MDN1: variants seen among roughly 807,000 people sequenced by gnomAD.
The protein encoded by MDN1 is midasin AAA ATPase 1, also known as midasin.
Under a neutral mutation model 669.2 loss-of-function variants are expected in MDN1, and 266 were observed. The observed-to-expected ratio is 0.40, with a 90% CI of 0.36 to 0.44. MDN1 has a LOEUF of 0.44. Ranked by LOEUF, MDN1 falls within the 20% of genes least tolerant of loss-of-function variation. The probability of loss-of-function intolerance (pLI) is 1.00; values close to 1 mark genes in which losing one functional copy is unlikely to be tolerated. For missense variants in MDN1, 5,940 were observed against 6,754.0 expected, an observed-to-expected ratio of 0.88 and a Z score of 4.22; for synonymous variants, 2,385 against 2,457.1, an observed-to-expected ratio of 0.97 and a Z score of 0.87.
intron 36 of MDN1, 118 bp downstream of exon 36, chr6:89,728,813 A>C: frequency 8.8e-7 from 1 of 1,141,924 alleles, no homozygotes; most frequent in East Asian, 2.4e-5. Flanking sequence ...AGAAAAGAAA[A>C]GAAAAGAAAA....
intron 7 of MDN1, among the ~76,000 whole-genome samples, chr6:89,788,730 G>C (rs1414550772): frequency 6.6e-6 from 1 of 152,158 alleles, no homozygotes. Flanking sequence ...AGCTAGACTA[G>C]AGGAAAAACG....
chr6:89,713,322 A>G (rs769441755), intron 46 of MDN1, 26 bp from the exon 47 acceptor site: 1 of 1,587,174 alleles, frequency 6.3e-7, no homozygotes, highest in African/African-American at 1.4e-5. Context: ...TGCCATCTAT[A>G]AACAATAGAG....
At chr6:89,804,221 T>C (rs1383889067) in intron 1 of MDN1, among the ~76,000 whole-genome samples, 2 of 152,126 alleles carry the variant, frequency 1.3e-5, no homozygotes, top group East Asian at 3.9e-4. Context: ...AAAATATTTA[T>C]GTAAATAATA....
Position 89,819,705 on chromosome 6 carries a change from T to G in MDN1, c.-98A>C. 1.0e-6 allele frequency: 1 copy of G among 974,360 alleles called. No individual in the cohort carries two copies. 60.4% of individuals were successfully genotyped at this position (974,360 alleles called of 1,614,324 possible). On this transcript the variant is annotated 5_prime_UTR_variant, in exon 1 of 102. Transcript: ENST00000369393. ...TCCCAGTGCCCGAGCAGCCAGCAAC[T>G]ACGCCCGCAGGAAAGGCGTCCTCAG...
At chr6:89,644,230 G>A (rs926198433) in intron 101 of MDN1, 37 bp from the exon 102 acceptor site, 7 of 1,534,360 alleles carry the variant, frequency 4.6e-6, no homozygotes, top group East Asian at 4.5e-5. Flanking sequence ...GGGAGGCAGC[G>A]ATTAAACCAG....
intron 2 of MDN1, among the ~76,000 whole-genome samples, chr6:89,800,065 T>C (rs979363143): frequency 3.9e-5 from 6 of 152,060 alleles, no homozygotes; most frequent in East Asian, 1.9e-4. Flanking sequence ...AAGGTTAAGA[T>C]GATCTCCAAT....
chr6:89,774,866 G>T, intron 12 of MDN1, 133 bp from the exon 13 acceptor site: 3 of 585,780 alleles, frequency 5.1e-6, no homozygotes, highest in Non-Finnish European at 9.1e-6. Context: ...TAGTTGAGTT[G>T]GCTTTTCATA....
chr6:89,727,782 G>A, intron 37 of MDN1, 51 bp downstream of exon 37: 4 of 1,612,848 alleles, frequency 2.5e-6, no homozygotes, highest in Non-Finnish European at 3.4e-6. Flanking sequence ...AAGGATGACT[G>A]CTCCTCACAC....
chr6:89,678,867 A>T (rs1811417624), intron 74 of MDN1, 122 bp from the exon 75 acceptor site: 1 of 1,023,292 alleles, frequency 9.8e-7, no homozygotes, highest in Non-Finnish European at 1.4e-6. Context: ...ATTCATCTTT[A>T]TACCCTGGGT....
At chr6:89,762,236 G>T in intron 16 of MDN1, 83 bp downstream of exon 16, 2 of 1,165,470 alleles carry the variant, frequency 1.7e-6, no homozygotes, top group Non-Finnish European at 2.5e-6. Context: ...AATTTGTATC[G>T]CTTTACTCTT....
chr6:89,745,197 G>T, intron 29 of MDN1, 76 bp downstream of exon 29: 81 of 1,037,782 alleles, frequency 7.8e-5, no homozygotes, highest in Non-Finnish European at 9.9e-5. Flanking sequence ...ATACTTTCAT[G>T]AGTTCTTCAG....
At position 89,684,944 on chromosome 6, in the gene MDN1, T is replaced by C. The variant is rs776689647; in HGVS notation, c.11761A>G (p.Lys3921Glu). The C allele has an allele frequency of 6.2e-7, 1 of 1,613,840 alleles. No homozygotes were observed. The highest frequency in any genetic ancestry group is 8.5e-7 in the Non-Finnish European group (1 of 1,179,742). ...GCCTGGACCCGGTCAAAGAATTGCT[T>C]GTAATAATGGTACAAATTCCATAGA... ...SVLWNLYHYYKQFFDRVQAKI... is the reference protein window; with the variant it reads ...SVLWNLYHYYEQFFDRVQAKI... Residue 3921 changes from lysine to glutamate, a missense_variant, in exon 71 of 102, where the codon AAG becomes GAG. By Grantham distance (56) the Lys-to-Glu change is moderately conservative. Coordinates refer to ENST00000369393, the MANE Select transcript of MDN1 (RefSeq NM_014611.3).
rs770723838 is a variant in MDN1 at position 89,712,744 on chromosome 6, C to A, written c.7261G>T (p.Ala2421Ser). The change falls in exon 48 of 102, where the codon GCA becomes TCA. Residue 2421 changes from alanine (A) to serine (S), a missense_variant. Physicochemically the swap from Ala to Ser is moderately conservative, Grantham distance 99. Coordinates refer to ENST00000369393, the MANE Select transcript of MDN1 (RefSeq NM_014611.3). The stretch of plus-strand genomic sequence containing the variant: ...ATGGAGTCTCCCCAGGTTTCATGTG[C>A]TCGCAAAGAAGAAACATGTTTCTCC... ...LLEKHVSSLRAHETWGDSILG... is the reference protein window; with the variant it reads ...LLEKHVSSLRSHETWGDSILG... The A allele has an allele frequency of 1.2e-6, 2 of 1,614,154 alleles. No homozygotes were observed. The highest frequency in any genetic ancestry group is 1.3e-5 in the African/African-American group (1 of 75,028).
At chr6:89,731,620 G>A (rs756927648) in intron 34 of MDN1, among the ~76,000 whole-genome samples, 16 of 151,970 alleles carry the variant, frequency 1.1e-4, no homozygotes, top group Non-Finnish European at 2.2e-4. Flanking sequence ...GGGATGGGGG[G>A]CAAGGGGAGG....
intron 73 of MDN1, 36 bp downstream of exon 73, chr6:89,683,096 T>C (rs1428622469): frequency 6.2e-7 from 1 of 1,606,552 alleles, no homozygotes; most frequent in South Asian, 1.1e-5. Flanking sequence ...CTTGACTGGC[T>C]TGGGAATAAG....
Position 89,758,974 on chromosome 6 carries a change from A to T in MDN1, c.2461-14T>A. On this transcript the variant is annotated splice_polypyrimidine_tract_variant and intron_variant, in intron 17 of 101. Transcript: ENST00000369393. ...AGCTAATGTACCCTAGAAAAAGATA[A>T]AATAAAATGTTAACAATGTGTCAAA... 1 of 1,611,282 alleles carries T rather than the reference A, an allele frequency of 6.2e-7. No homozygotes were observed. The highest frequency in any genetic ancestry group is 8.5e-7 in the Non-Finnish European group (1 of 1,177,822).
chr6:89,784,971 C>T (rs1818875144), intron 9 of MDN1, 41 bp downstream of exon 9: 1 of 1,343,142 alleles, frequency 7.4e-7, no homozygotes, highest in Non-Finnish European at 1.1e-6. Context: ...GCGGGAGCCA[C>T]TGCACCTGGC....
intron 33 of MDN1, among the ~76,000 whole-genome samples, chr6:89,734,716 A>AGAGAGAGAGAGAGAGAGAGAG (rs1562158027): frequency 3.4e-5 from 5 of 146,818 alleles, no homozygotes; most frequent in South Asian, 2.2e-4. Flanking sequence ...AGAGAGAGAG[A>AGAGAGAGAGAGAGAGAGAGAG]ACTCCCTGAT....
chr6:89,691,505 G>T (rs1006927830), intron 63 of MDN1, among the ~76,000 whole-genome samples: 2 of 152,196 alleles, frequency 1.3e-5, no homozygotes, highest in South Asian at 4.1e-4. Flanking sequence ...ATATATAGCT[G>T]TGAGACTATT....
Sources: allele counts gnomAD v4.1 joint callset (sites outside exome capture counted in the v4.1 genomes callset), GRCh38; gene constraint gnomAD v4.1.1; transcripts MANE v1.5; gene names NCBI Gene and HGNC (gene_info 2026-07-23, HGNC 2026-07-21).